The following STN1 variants were observed in gnomAD, a reference collection of about 807,000 sequenced individuals.
The protein encoded by STN1 is STN1 subunit of CST complex.
STN1 carries 29 observed loss-of-function variants against 45.5 expected under a neutral mutation model. That is an observed-to-expected ratio of 0.64 (90% CI 0.47 to 0.87). STN1 has a LOEUF of 0.87. Among genes scored for constraint, STN1 ranks in the 40% least tolerant of loss-of-function variants. STN1 has a pLI of 0.00. For synonymous variants in STN1, 148 were observed against 159.0 expected, an observed-to-expected ratio of 0.93 and a Z score of 0.52; for missense variants, 376 against 441.4, an observed-to-expected ratio of 0.85 and a Z score of 1.33.
chr10:103,907,866 C>A (rs898633548), intron 3 of STN1, among the ~76,000 whole-genome samples: 1 of 151,682 alleles, frequency 6.6e-6, no homozygotes, highest in Non-Finnish European at 1.5e-5. Flanking sequence ...CAGTGGCTCA[C>A]GCCTGTAATC....
At chr10:103,906,587 G>T (rs78899932) in intron 3 of STN1, among the ~76,000 whole-genome samples, 2 of 152,136 alleles carry the variant, frequency 1.3e-5, no homozygotes, top group Non-Finnish European at 2.9e-5. Context: ...CTTGAGCCCA[G>T]GAGTTCAAGG....
intron 9 of STN1, among the ~76,000 whole-genome samples, chr10:103,885,811 C>T (rs1203577930): frequency 6.6e-6 from 1 of 152,066 alleles, no homozygotes; most frequent in African/African-American, 2.4e-5. Flanking sequence ...ACCCACAAGC[C>T]GAAGCAGACT....
chr10:103,891,428 C>T (rs1231793074), intron 8 of STN1, among the ~76,000 whole-genome samples: 9 of 152,182 alleles, frequency 5.9e-5, no homozygotes, highest in Non-Finnish European at 8.8e-5. Context: ...AGGAGATACC[C>T]GGCAATGTCC....
In STN1 at chr10:103,884,043, T is replaced by C. The variant is rs542877130; in HGVS notation, c.950-1202A>G. 3.7e-5 allele frequency among the ~76,000 whole-genome samples: 5 copies of C among 135,810 alleles called. No individual in the cohort carries two copies. The East Asian group carries it at 1.0e-3, about 28-fold the overall frequency. The allele number at this position is 135,810 out of a possible 152,430, so 89.1% of individuals were successfully genotyped here. ...AAGCAGAGGTTGCAGTGAGCCGAGA[T>C]TGCGCCACTGTACTCCAACCTGGGT... On this transcript the variant is annotated intron_variant, in intron 9 of 9. Transcript: ENST00000224950.
At chr10:103,914,374 A>T (rs12780770) in intron 2 of STN1, among the ~76,000 whole-genome samples, 77,701 of 97,012 alleles carry the variant, frequency 0.8, 29,866 homozygotes, top group East Asian at 0.87. Flanking sequence ...ATATATATAT[A>T]TTTTTTTTTT....
chr10:103,917,266 A>T (rs1222643221), intron 2 of STN1, among the ~76,000 whole-genome samples, 196 bp downstream of exon 2: 1 of 151,694 alleles, frequency 6.6e-6, no homozygotes, highest in Non-Finnish European at 1.5e-5. Context: ...ACTAAAAAAA[A>T]AAAAAAAAAA....
At chr10:103,914,964 G>A (rs1843319662) in intron 2 of STN1, among the ~76,000 whole-genome samples, 2 of 152,134 alleles carry the variant, frequency 1.3e-5, no homozygotes, top group Admixed American at 6.5e-5. Flanking sequence ...ATAAATTTGG[G>A]GGTCCCCAAC....
At chr10:103,908,562 C>T (rs1843259301) in intron 3 of STN1, among the ~76,000 whole-genome samples, 2 of 152,180 alleles carry the variant, frequency 1.3e-5, no homozygotes, top group Non-Finnish European at 2.9e-5. Context: ...TGCCTGAGGA[C>T]AGCAAGGAGA....
chr10:103,904,184 ACTGTGTATGGC>A lies in STN1; in HGVS notation c.295+896_295+906del, dbSNP rs1469324920. ...CAGGCAGTGTTTACTGAATAACCCC[ACTGTGTATGGC>A]ACTATACTGTATATGTTGTAAAACA... On this transcript the variant is annotated intron_variant, in intron 4 of 9. Transcript: ENST00000224950. 2.6e-5 allele frequency among the ~76,000 whole-genome samples: 4 copies of A among 152,306 alleles called. No homozygotes were observed. In the East Asian group the frequency reaches 7.7e-4, roughly 29 times the overall value.
Position 103,917,605 on chromosome 10 carries a change from G to C in STN1, c.-11C>G. 6.2e-7 allele frequency: 1 copy of C among 1,612,130 alleles called. No individual in the cohort carries two copies. Among genetic ancestry groups the C allele is most frequent in the Admixed American group, 1.7e-5 (1 of 59,524 alleles). On this transcript the variant is annotated 5_prime_UTR_variant, in exon 2 of 10. Coordinates refer to ENST00000224950, the MANE Select transcript of STN1 (RefSeq NM_024928.5). Reference sequence around the variant, plus strand: ...GGATCCAGGCTGCATCAAGAGGCAGGGCTGTGGCTTCCAGCTAACTCTGAA... The same window carrying C: ...GGATCCAGGCTGCATCAAGAGGCAGCGCTGTGGCTTCCAGCTAACTCTGAA...
At chr10:103,908,076 C>G (rs1262810612) in intron 3 of STN1, among the ~76,000 whole-genome samples, 4 of 151,518 alleles carry the variant, frequency 2.6e-5, no homozygotes, top group African/African-American at 9.7e-5. Context: ...TTGCAGTGAG[C>G]CAAGATCACA....
chr10:103,912,439 C>CCCCT (rs906351643), intron 2 of STN1, among the ~76,000 whole-genome samples: 4 of 152,198 alleles, frequency 2.6e-5, no homozygotes, highest in African/African-American at 9.7e-5. Context: ...CAGTCCCCTG[C>CCCCT]CCCTGCCTGC....
At position 103,882,565 on chromosome 10, in the gene STN1, A is replaced by G; in HGVS notation, c.*119T>C. 2.0e-6 allele frequency: 2 copies of G among 1,012,238 alleles called. No homozygotes were observed. The highest frequency in any genetic ancestry group is 2.8e-6 in the Non-Finnish European group (2 of 702,220). 62.7% of individuals were successfully genotyped at this position (1,012,238 alleles called of 1,614,324 possible). A position where few individuals can be genotyped will look rare whatever the true frequency, so the allele number is the denominator to read the frequency against. On this transcript the variant is annotated 3_prime_UTR_variant, in exon 10 of 10. Transcript: ENST00000224950. The stretch of plus-strand genomic sequence containing the variant: ...CATTCCCAAGATGACTATATTTTAT[A>G]GTTTATTATGAGGTAACTGCCTCCA...
At position 103,910,403 on chromosome 10, in the gene STN1, A is replaced by G. The variant is rs1362461110; in HGVS notation, c.229+124T>C. ...GGGCTATAAGGGGCACCCCATAGAG[A>G]AAGTACATGCCCTTAGTGAGGGTCC... On this transcript the variant is annotated intron_variant, in intron 3 of 9. Transcript: ENST00000224950. 7 of 565,484 alleles carry G rather than the reference A, an allele frequency of 1.2e-5. No homozygotes were observed. In the African/African-American group the frequency reaches 1.3e-4, roughly 11 times the overall value. The allele number at this position is 565,484 out of a possible 1,614,324, so 35.0% of individuals were successfully genotyped here.
intron 1 of STN1, 99 bp downstream of exon 1, chr10:103,918,001 G>A (rs1365015021): frequency 5.8e-6 from 1 of 172,350 alleles, no homozygotes; most frequent in Non-Finnish European, 1.3e-5. Flanking sequence ...ACGTGTTGGG[G>A]CATAGTGGAT....
rs1040810134 is a variant in STN1 at position 103,880,139 on chromosome 10, G to T, written c.*2545C>A. Reference sequence around the variant, plus strand: ...GAGAATGTGCTGACAGTGGAAGAGTGAGCAAAGCTGGGAGTTTTATTGAGT... The same window carrying T: ...GAGAATGTGCTGACAGTGGAAGAGTTAGCAAAGCTGGGAGTTTTATTGAGT... On this transcript the variant is annotated 3_prime_UTR_variant, in exon 10 of 10. Transcript: ENST00000224950. 1.3e-5 allele frequency among the ~76,000 whole-genome samples: 2 copies of T among 152,254 alleles called. No homozygotes were observed. Among genetic ancestry groups the T allele is most frequent in the African/African-American group, 4.8e-5 (2 of 41,470 alleles).
Position 103,880,457 on chromosome 10 carries a change from G to A in STN1, c.*2227C>T, listed in dbSNP as rs1012432273. On this transcript the variant is annotated 3_prime_UTR_variant, in exon 10 of 10. Coordinates refer to ENST00000224950, the MANE Select transcript of STN1 (RefSeq NM_024928.5). ...CCTTCAGGCTGATCTTTGCTTGAAC[G>A]TGGGGTTTCATTTGGGACCCTCCCC... 6.6e-6 allele frequency among the ~76,000 whole-genome samples: 1 copy of A among 152,194 alleles called. No homozygotes were observed. Among genetic ancestry groups the A allele is most frequent in the Non-Finnish European group, 1.5e-5 (1 of 68,038 alleles).
chr10:103,891,287 A>C (rs1843137759), intron 8 of STN1, among the ~76,000 whole-genome samples: 1 of 152,256 alleles, frequency 6.6e-6, no homozygotes, highest in African/African-American at 2.4e-5. Context: ...CATAGTATGG[A>C]ATACCCTGAG....
chr10:103,895,134 G>A (rs1017256586), intron 7 of STN1, among the ~76,000 whole-genome samples: 2 of 152,096 alleles, frequency 1.3e-5, no homozygotes, highest in Admixed American at 1.3e-4. Flanking sequence ...GCAATGTGAG[G>A]GACTAATTCA....
Sources: allele counts gnomAD v4.1 joint callset (sites outside exome capture counted in the v4.1 genomes callset), GRCh38; gene constraint gnomAD v4.1.1; transcripts MANE v1.5; gene names NCBI Gene and HGNC (gene_info 2026-07-23, HGNC 2026-07-21).